The following MAP7 variants were observed in gnomAD, a reference collection of about 807,000 sequenced individuals.
MAP7 encodes ensconsin.
Under a neutral mutation model 94.8 loss-of-function variants are expected in MAP7, and 52 were observed. The ratio of observed to expected loss-of-function variants is 0.55; its 90% CI spans 0.44 to 0.69. The LOEUF (loss-of-function observed/expected upper bound fraction) is 0.69, where lower values mean the gene tolerates loss of function less well. MAP7 is among the 30% of genes least tolerant of loss of function. The pLI is 0.00. For synonymous variants in MAP7, 350 were observed against 357.0 expected (o/e 0.98, Z 0.22); for missense variants, 940 against 964.6 (o/e 0.97, Z 0.34).
chr6:136,400,700 T>G (rs1783825357), intron 3 of MAP7, among the ~76,000 whole-genome samples: 1 of 152,222 alleles, frequency 6.6e-6, no homozygotes, highest in African/African-American at 2.4e-5. Context: ...AGTGAAATGA[T>G]GCTTCCAAGA....
chr6:136,498,544 C>CA (rs1410147059), intron 1 of MAP7, among the ~76,000 whole-genome samples: 2 of 152,012 alleles, frequency 1.3e-5, no homozygotes, highest in Non-Finnish European at 2.9e-5. Flanking sequence ...TTCACATGCA[C>CA]CTGTGTCTAA....
At chr6:136,431,492 C>CTTTA (rs10562140) in intron 1 of MAP7, among the ~76,000 whole-genome samples, 31,466 of 145,212 alleles carry the variant, frequency 0.22, 3,598 homozygotes, top group African/African-American at 0.28. Flanking sequence ...CTTTTTAATG[C>CTTTA]TTTATTTATT....
At chr6:136,521,439 T>C (rs1333562972) in intron 1 of MAP7, among the ~76,000 whole-genome samples, 1 of 152,116 alleles carries the variant, frequency 6.6e-6, no homozygotes, top group Non-Finnish European at 1.5e-5. Context: ...TTGAGGGAGA[T>C]GATAATTTTG....
intron 1 of MAP7, among the ~76,000 whole-genome samples, chr6:136,477,559 G>A (rs1583023780): frequency 6.6e-6 from 1 of 152,034 alleles, no homozygotes; most frequent in African/African-American, 2.4e-5. Context: ...TATAAAAAGA[G>A]ACAAAGAAGG....
chr6:136,416,316 T>C (rs896223601), intron 2 of MAP7, among the ~76,000 whole-genome samples: 2 of 152,158 alleles, frequency 1.3e-5, no homozygotes, highest in Non-Finnish European at 2.9e-5. Flanking sequence ...ACTATTTAAA[T>C]GCTAGAAGTT....
chr6:136,487,905 T>C (rs898484872), intron 1 of MAP7, among the ~76,000 whole-genome samples: 3 of 152,164 alleles, frequency 2.0e-5, no homozygotes, highest in African/African-American at 4.8e-5. Context: ...CATACGCTAA[T>C]ATACAGAGCG....
chr6:136,458,340 G>T (rs1027492667), intron 1 of MAP7, among the ~76,000 whole-genome samples: 8 of 152,074 alleles, frequency 5.3e-5, no homozygotes, highest in Admixed American at 1.3e-4. Flanking sequence ...TTGTCAACAT[G>T]TCCACACTAC....
chr6:136,459,517 T>A (rs1804474899), intron 1 of MAP7, among the ~76,000 whole-genome samples: 1 of 152,132 alleles, frequency 6.6e-6, no homozygotes, highest in Non-Finnish European at 1.5e-5. Context: ...TAATTGTTCA[T>A]CTACAAGTGA....
At chr6:136,526,268 C>T in intron 1 of MAP7, 1 of 1,097,620 alleles carries the variant, frequency 9.1e-7, no homozygotes, top group Non-Finnish European at 1.1e-6. Flanking sequence ...CATGCACGTA[C>T]ACGCGCGCGC....
intron 10 of MAP7, chr6:136,364,483 A>G (rs1228378205): frequency 3.9e-6 from 1 of 258,556 alleles, no homozygotes; most frequent in East Asian, 1.3e-4. Context: ...TAACAAGTTC[A>G]ATAAAAAGCT....
At chr6:136,381,992 G>C (rs1374468027) in intron 6 of MAP7, among the ~76,000 whole-genome samples, 1 of 151,480 alleles carries the variant, frequency 6.6e-6, no homozygotes. Context: ...GAGAACTGAG[G>C]ATGCAGTGTG....
intron 3 of MAP7, among the ~76,000 whole-genome samples, chr6:136,396,277 C>A (rs1052100257): frequency 6.6e-6 from 1 of 151,994 alleles, no homozygotes; most frequent in Non-Finnish European, 1.5e-5. Context: ...TTACCTCCTT[C>A]GTTACATTTA....
intron 7 of MAP7, 25 bp downstream of exon 7, chr6:136,377,730 G>A: frequency 6.4e-7 from 1 of 1,574,232 alleles, no homozygotes; most frequent in Non-Finnish European, 8.7e-7. Context: ...ACCTCATGGG[G>A]AAAGTTCCAC....
intron 1 of MAP7, among the ~76,000 whole-genome samples, chr6:136,436,147 G>A (rs1280668622): frequency 6.6e-6 from 1 of 152,162 alleles, no homozygotes; most frequent in East Asian, 1.9e-4. Context: ...TTTAGAGCTA[G>A]TTAGGAAAGG....
At chr6:136,452,798 C>T (rs1801595789) in intron 1 of MAP7, among the ~76,000 whole-genome samples, 1 of 152,136 alleles carries the variant, frequency 6.6e-6, no homozygotes, top group Non-Finnish European at 1.5e-5. Flanking sequence ...AGTGATCTGC[C>T]CTCCTCGTCT....
In MAP7 at chr6:136,360,710, A is replaced by C. The variant is rs2128561135; in HGVS notation, c.1790T>G (p.Leu597Arg). ...AGACGCAGCTACCTTCTTTCTCTCC[A>C]GGCGCTCTTGCTCTTCTCTCTGGAA... Reference protein sequence around the residue: ...KHFQREEQERLERKKRLEEIM... With the variant: ...KHFQREEQERRERKKRLEEIM... Residue 597 changes from leucine to arginine, a missense_variant, in exon 13 of 18, where the codon CTG (leucine) becomes CGG (arginine). Coordinates refer to ENST00000354570, the MANE Select transcript of MAP7 (RefSeq NM_003980.6). 6.2e-7 allele frequency: 1 copy of C among 1,614,104 alleles called. No individual in the cohort carries two copies. The highest frequency in any genetic ancestry group is 8.5e-7 in the Non-Finnish European group (1 of 1,179,998).
At chr6:136,533,536 T>C (rs1420745364) in intron 1 of MAP7, among the ~76,000 whole-genome samples, 1 of 152,218 alleles carries the variant, frequency 6.6e-6, no homozygotes, top group African/African-American at 2.4e-5. Context: ...TTTTCCTCAA[T>C]CCCATCTGTG....
intron 16 of MAP7, among the ~76,000 whole-genome samples, chr6:136,355,231 G>A (rs139006965): frequency 1.5e-3 from 226 of 151,130 alleles, no homozygotes; most frequent in African/African-American, 4.2e-3. Flanking sequence ...CATAATAATG[G>A]GATTCTCTCT....
chr6:136,400,828 C>T lies in MAP7; in HGVS notation c.244+10792G>A, dbSNP rs138470233. On this transcript the variant is annotated intron_variant, in intron 3 of 17. Transcript: ENST00000354570. ...TTCACTTCTGCATGCTTCTAATTTC[C>T]ACCTGAATTTCTCAGTCAGATCCAT... Among the ~76,000 whole-genome samples, 5 of 152,290 alleles carry T rather than the reference C, an allele frequency of 3.3e-5. No individual in the cohort carries two copies. In the East Asian group the frequency reaches 9.6e-4, roughly 29 times the overall value.
Sources: allele counts gnomAD v4.1 joint callset (sites outside exome capture counted in the v4.1 genomes callset), GRCh38; gene constraint gnomAD v4.1.1; transcripts MANE v1.5; gene names NCBI Gene and HGNC (gene_info 2026-07-23, HGNC 2026-07-21).